SKI: variants seen among roughly 807,000 people sequenced by gnomAD.
SKI encodes ski oncogene.
A neutral mutation model predicts 59.3 loss-of-function variants in SKI; 23 were observed. That is an observed-to-expected ratio of 0.39 (90% confidence interval 0.28 to 0.55). The LOEUF is 0.55. Ranked by LOEUF, SKI falls within the 20% of genes least tolerant of loss-of-function variation. SKI has a pLI of 0.67. For synonymous variants in SKI, 673 were observed against 488.6 expected, an observed-to-expected ratio of 1.38 and a Z score of -4.98; for missense variants, 1,017 against 1,038.9, an observed-to-expected ratio of 0.98 and a Z score of 0.29.
At position 2,306,758 on chromosome 1, in the gene SKI, A is replaced by C; in HGVS notation, c.2180A>C (p.Glu727Ala). 1 of 1,516,998 alleles carries C rather than the reference A, an allele frequency of 6.6e-7. No individual in the cohort carries two copies. Among genetic ancestry groups the C allele is most frequent in the African/African-American group, 1.4e-5 (1 of 69,680 alleles). The allele number at this position is 1,516,998 out of a possible 1,614,324, so 94.0% of individuals were successfully genotyped here. Residue 727 changes from glutamate (E) to alanine (A), a missense_variant, in exon 7 of 7, where the codon GAG becomes GCG. Coordinates refer to ENST00000378536, the MANE Select transcript of SKI (RefSeq NM_003036.4). Reference protein sequence around the residue: ...AAGSEGAAELEP With the variant: ...AAGSEGAAELAP ...GGCAGCGAGGGCGCTGCGGAGCTGGAGCCGTAGATTCCGTGCCTGCCGCCG... is the reference window on the plus strand; with the variant it reads ...GGCAGCGAGGGCGCTGCGGAGCTGGCGCCGTAGATTCCGTGCCTGCCGCCG...
intron 1 of SKI, among the ~76,000 whole-genome samples, chr1:2,280,575 A>T (rs1639853500): frequency 6.7e-6 from 1 of 148,410 alleles, no homozygotes; most frequent in Non-Finnish European, 1.5e-5. Flanking sequence ...ACACCTGAGA[A>T]GACAGGCGGC....
Position 2,303,473 on chromosome 1 carries a change from C to G in SKI, c.1211+73C>G. 7.4e-7 allele frequency: 1 copy of G among 1,352,470 alleles called. No homozygotes were observed. Among genetic ancestry groups the G allele is most frequent in the East Asian group, 2.3e-5 (1 of 43,358 alleles). The allele number at this position is 1,352,470 out of a possible 1,614,324, so 83.8% of individuals were successfully genotyped here. On this transcript the variant is annotated intron_variant, in intron 3 of 6. Transcript: ENST00000378536. The surrounding 1 kb of genome is among the most constrained non-coding windows in gnomAD (Gnocchi z 5.6). ...ACGAGGGCTGTGCATGCGGACGCGC[C>G]CATGTTTCTGCAGGCTGGGTGCCCA...
At chr1:2,275,349 G>A (rs932501955) in intron 1 of SKI, among the ~76,000 whole-genome samples, 4 of 152,146 alleles carry the variant, frequency 2.6e-5, no homozygotes, top group African/African-American at 9.7e-5. Flanking sequence ...CTGTGGCTCC[G>A]CCGTCAGGGA....
At chr1:2,245,379 T>C (rs1638970757) in intron 1 of SKI, among the ~76,000 whole-genome samples, 1 of 152,224 alleles carries the variant, frequency 6.6e-6, no homozygotes, top group South Asian at 2.1e-4. Context: ...ATGATGCTGC[T>C]GTGAGCACGG....
chr1:2,297,064 A>T (rs1299919778), intron 1 of SKI, among the ~76,000 whole-genome samples: 1 of 152,002 alleles, frequency 6.6e-6, no homozygotes, highest in African/African-American at 2.4e-5. Flanking sequence ...GTGTGGGCAT[A>T]GGCCGTCTTC....
At chr1:2,257,380 A>AT (rs1362375313) in intron 1 of SKI, among the ~76,000 whole-genome samples, 1 of 152,250 alleles carries the variant, frequency 6.6e-6, no homozygotes, top group East Asian at 1.9e-4. Flanking sequence ...GATGGCTCTT[A>AT]TGCAGACGTG....
rs1201649276 is a variant in SKI, at chr1:2,309,199, G to A, written c.*2434G>A. 1 of 152,254 alleles carries A rather than the reference G, an allele frequency of 6.6e-6. No homozygotes were observed. The highest frequency in any genetic ancestry group is 1.5e-5 in the Non-Finnish European group (1 of 68,062). 9.4% of individuals were successfully genotyped at this position (152,254 alleles called of 1,614,324 possible). A position where few individuals can be genotyped will look rare whatever the true frequency, so the allele number is the denominator to read the frequency against. On this transcript the variant is annotated 3_prime_UTR_variant, in exon 7 of 7. Transcript: ENST00000378536. ...GCACGCCTGGCTCCCCTTGGCACAG[G>A]TGCGAGTCCGTTTCTTTTCAGCAGA...
At chr1:2,278,518 C>T (rs983644797) in intron 1 of SKI, among the ~76,000 whole-genome samples, 1 of 152,202 alleles carries the variant, frequency 6.6e-6, no homozygotes, top group Non-Finnish European at 1.5e-5. Flanking sequence ...CCCATCTGTG[C>T]GTGGCCTCAG....
At chr1:2,271,329 C>T (rs1016852597) in intron 1 of SKI, among the ~76,000 whole-genome samples, 3 of 152,024 alleles carry the variant, frequency 2.0e-5, no homozygotes, top group Admixed American at 6.5e-5. Flanking sequence ...GGGGGCTGCT[C>T]CCTGTCCAGG....
chr1:2,266,093 G>A (rs1639494896), intron 1 of SKI, among the ~76,000 whole-genome samples: 1 of 152,126 alleles, frequency 6.6e-6, no homozygotes, highest in South Asian at 2.1e-4. Context: ...CTAGAGCTGG[G>A]CTCAGGGCTC....
intron 1 of SKI, among the ~76,000 whole-genome samples, chr1:2,301,627 CT>C (rs1326986141): frequency 2.6e-5 from 4 of 152,120 alleles, no homozygotes; most frequent in African/African-American, 9.7e-5. Context: ...CATCTTCCCC[CT>C]AGGGAAGCAG....
intron 1 of SKI, among the ~76,000 whole-genome samples, chr1:2,241,605 G>A (rs534834824): frequency 6.6e-6 from 1 of 152,124 alleles, no homozygotes; most frequent in South Asian, 2.1e-4. Context: ...GTTTTAGCCA[G>A]GATGGTCTCG....
Position 2,228,962 on chromosome 1 carries a change from G to T in SKI, c.196G>T (p.Ala66Ser), listed in dbSNP as rs1212316098. The T allele has an allele frequency of 7.0e-7, 1 of 1,424,706 alleles. No individual in the cohort carries two copies. The highest frequency in any genetic ancestry group is 1.4e-5 in the South Asian group (1 of 71,078). The allele number at this position is 1,424,706 out of a possible 1,614,324, so 88.3% of individuals were successfully genotyped here. Reference sequence around the variant, plus strand: ...GGCCGCGGTGCCGGCGCCGGTGCCCGCAGCCACCGAGCCGCCGCCCGTGCT... The same window carrying T: ...GGCCGCGGTGCCGGCGCCGGTGCCCTCAGCCACCGAGCCGCCGCCCGTGCT... ...GAAAVPAPVP[A>S]ATEPPPVLHL... is the part of the protein sequence containing the mutation. The change falls in exon 1 of 7, where the codon GCA becomes TCA. Residue 66 changes from alanine to serine, a missense_variant. By Grantham distance (99) the Ala-to-Ser change is moderately conservative (BLOSUM62 1). Coordinates refer to ENST00000378536, the MANE Select transcript of SKI (RefSeq NM_003036.4).
chr1:2,267,760 C>A lies in SKI; in HGVS notation c.970-35218C>A, dbSNP rs962898708. On this transcript the variant is annotated intron_variant, in intron 1 of 6. Transcript: ENST00000378536. The surrounding 1 kb of genome is among the most constrained non-coding windows in gnomAD (Gnocchi z 4.1). ...GAGGTGTGTGAGGCTGATGCATGGG[C>A]CTTTCTACTTCCAGACTGTCCCAGG... 1.3e-5 allele frequency among the ~76,000 whole-genome samples: 2 copies of A among 152,208 alleles called. No homozygotes were observed. The highest frequency in any genetic ancestry group is 4.8e-5 in the African/African-American group (2 of 41,440).
At position 2,303,378 on chromosome 1, in the gene SKI, C is replaced by G. The variant is rs371268096; in HGVS notation, c.1189C>G (p.Leu397Val). The G allele has an allele frequency of 1.2e-6, 2 of 1,613,202 alleles. No homozygotes were observed. Among genetic ancestry groups the G allele is most frequent in the African/African-American group, 2.7e-5 (2 of 74,946 alleles). Reference sequence around the variant, plus strand: ...GAGTGAGAAAGAGCTCTCCCCACACCTCCCGGCCCTCATCCGAGACAGGTG... The same window carrying G: ...GAGTGAGAAAGAGCTCTCCCCACACGTCCCGGCCCTCATCCGAGACAGGTG... Reference protein sequence around the residue: ...SASEKELSPHLPALIRDSFYS... With the variant: ...SASEKELSPHVPALIRDSFYS... Residue 397 changes from leucine to valine, a missense_variant, in exon 3 of 7, where the codon CTC becomes GTC. Coordinates refer to ENST00000378536, the MANE Select transcript of SKI (RefSeq NM_003036.4). The surrounding 1 kb of genome is among the most constrained non-coding windows in gnomAD (Gnocchi z 5.6).
rs979256214 is a variant in SKI at position 2,229,086 on chromosome 1, G to A, written c.320G>A (p.Gly107Asp). 2 of 1,608,878 alleles carry A rather than the reference G, an allele frequency of 1.2e-6. No individual in the cohort carries two copies. Among genetic ancestry groups the A allele is most frequent in the African/African-American group, 1.3e-5 (1 of 74,914 alleles). The stretch of plus-strand genomic sequence containing the variant: ...GAGCGCTGCGAGACCGTACTGGAAG[G>A]CGAGACCATCTCGTGCTTCGTGGTG... ...STERCETVLEGETISCFVVGG... is the reference protein window; with the variant it reads ...STERCETVLEDETISCFVVGG... Residue 107 changes from glycine (G) to aspartate (D), a missense_variant, in exon 1 of 7, where the codon GGC becomes GAC. Gly to Asp is a moderately conservative substitution (Grantham distance 94). Transcript: ENST00000378536. The surrounding 1 kb of genome is among the most constrained non-coding windows in gnomAD (Gnocchi z 6.3).
At chr1:2,251,975 C>A (rs1389229072) in intron 1 of SKI, among the ~76,000 whole-genome samples, 1 of 152,136 alleles carries the variant, frequency 6.6e-6, no homozygotes. Context: ...TTTCACTGTT[C>A]CTGGCAGTGG....
chr1:2,278,278 G>A (rs902366127), intron 1 of SKI, among the ~76,000 whole-genome samples: 1 of 152,200 alleles, frequency 6.6e-6, no homozygotes, highest in Non-Finnish European at 1.5e-5. Context: ...TGGAGGCCTT[G>A]CCTAGAGGCA....
At chr1:2,277,551 C>T (rs1249212546) in intron 1 of SKI, among the ~76,000 whole-genome samples, 1 of 152,214 alleles carries the variant, frequency 6.6e-6, no homozygotes, top group African/African-American at 2.4e-5. Context: ...GCTTCCCCAG[C>T]CATGTGGAAC....
Sources: gnomAD v4.1 joint callset for allele counts (sites outside exome capture counted in the v4.1 genomes callset) on GRCh38, gnomAD v4.1.1 for gene constraint, Gnocchi (gnomAD v3.1) non-coding constraint, MANE v1.5 for transcripts, NCBI Gene and HGNC (gene_info 2026-07-23, HGNC 2026-07-21) for gene names.